DAB1: variants seen among roughly 807,000 people sequenced by gnomAD.
DAB1 encodes the protein DAB adaptor protein 1.
Under a neutral mutation model 64.6 loss-of-function variants are expected in DAB1, and 15 were observed. The ratio of observed to expected loss-of-function variants is 0.23; its 90% confidence interval spans 0.16 to 0.36. The LOEUF is 0.36. Ranked by LOEUF, DAB1 falls within the 10% of genes least tolerant of loss-of-function variation. DAB1 has a pLI of 1.00. For synonymous variants in DAB1, 235 were observed against 251.9 expected, an observed-to-expected ratio of 0.93 and a Z score of 0.64; for missense variants, 596 against 706.7, an observed-to-expected ratio of 0.84 and a Z score of 1.78.
At chr1:57,040,322 C>A (rs989272211) in intron 9 of DAB1, among the ~76,000 whole-genome samples, 1 of 152,078 alleles carries the variant, frequency 6.6e-6, no homozygotes, top group Non-Finnish European at 1.5e-5. Flanking sequence ...TGATATAGCG[C>A]TCTCTGTGCT....
At chr1:58,544,526 A>G (rs1646670866) in intron 1 of DAB1, among the ~76,000 whole-genome samples, 1 of 152,304 alleles carries the variant, frequency 6.6e-6, no homozygotes, top group African/African-American at 2.4e-5. Context: ...TGCAGTTCAA[A>G]TTTCTACGGG....
At chr1:57,828,199 C>T (rs1353356092) in intron 1 of DAB1, among the ~76,000 whole-genome samples, 1 of 152,158 alleles carries the variant, frequency 6.6e-6, no homozygotes, top group Non-Finnish European at 1.5e-5. Flanking sequence ...CCCGCCTCCG[C>T]CTTCCAAAGT....
At chr1:58,376,717 C>G (rs1378042335) in intron 3 of DAB1, among the ~76,000 whole-genome samples, 16 of 129,456 alleles carry the variant, frequency 1.2e-4, no homozygotes, top group African/African-American at 4.5e-4. Context: ...GAGCTGAGTT[C>G]AATTCCTGGG....
At chr1:57,400,312 T>A (rs1336652636) in intron 1 of DAB1, among the ~76,000 whole-genome samples, 1 of 152,148 alleles carries the variant, frequency 6.6e-6, no homozygotes. Flanking sequence ...AAAGGTTCAG[T>A]CTATGAAGTT....
intron 3 of DAB1, among the ~76,000 whole-genome samples, chr1:58,411,972 C>T (rs1644674710): frequency 6.6e-6 from 1 of 152,158 alleles, no homozygotes; most frequent in Non-Finnish European, 1.5e-5. Context: ...ACACCCATTC[C>T]ATGTGATTCA....
chr1:58,366,786 G>A (rs907335514), intron 3 of DAB1, among the ~76,000 whole-genome samples: 2 of 152,200 alleles, frequency 1.3e-5, no homozygotes, highest in Non-Finnish European at 2.9e-5. Context: ...GCAAGACGTG[G>A]AGTCACTGTA....
chr1:57,716,546 G>A (rs1055885218), intron 6 of DAB1, among the ~76,000 whole-genome samples: 1 of 152,124 alleles, frequency 6.6e-6, no homozygotes, highest in African/African-American at 2.4e-5. Context: ...GCAGAAGAAA[G>A]AAAACCTTAT....
At chr1:58,020,072 T>G (rs568654561) in intron 5 of DAB1, among the ~76,000 whole-genome samples, 1 of 152,324 alleles carries the variant, frequency 6.6e-6, no homozygotes, top group East Asian at 1.9e-4. Flanking sequence ...ACTACCAGTG[T>G]TTTAATCTTT....
At chr1:57,634,694 A>G (rs1256512358) in intron 7 of DAB1, among the ~76,000 whole-genome samples, 1 of 152,248 alleles carries the variant, frequency 6.6e-6, no homozygotes, top group African/African-American at 2.4e-5. Flanking sequence ...GGACTGTTTT[A>G]GGTGCCAGCA....
chr1:57,104,453 G>T (rs1654960093), intron 4 of DAB1, among the ~76,000 whole-genome samples: 1 of 152,214 alleles, frequency 6.6e-6, no homozygotes, highest in African/African-American at 2.4e-5. Flanking sequence ...TAATAGTAAA[G>T]TAGGTTGACA....
At chr1:57,133,720 G>T (rs1212071067) in intron 4 of DAB1, among the ~76,000 whole-genome samples, 1 of 152,126 alleles carries the variant, frequency 6.6e-6, no homozygotes, top group Non-Finnish European at 1.5e-5. Context: ...GTCACGTTCT[G>T]CAAATGTTTC....
intron 6 of DAB1, among the ~76,000 whole-genome samples, chr1:57,667,634 C>T (rs1273118873): frequency 1.3e-5 from 2 of 152,062 alleles, no homozygotes; most frequent in Non-Finnish European, 2.9e-5. Flanking sequence ...ATAGTAGCCA[C>T]TAGCTACATA....
chr1:57,369,995 C>T (rs1302684759), intron 1 of DAB1, among the ~76,000 whole-genome samples: 1 of 152,218 alleles, frequency 6.6e-6, no homozygotes, highest in Admixed American at 6.5e-5. Context: ...TTCAGTATTT[C>T]TTCTCAGCCC....
At chr1:57,550,980 C>T (rs115901666) in intron 7 of DAB1, among the ~76,000 whole-genome samples, 3,609 of 152,202 alleles carry the variant, frequency 0.024, 147 homozygotes, top group African/African-American at 0.083. Context: ...TACCATTATC[C>T]CCACTTTACA....
intron 3 of DAB1, among the ~76,000 whole-genome samples, chr1:58,444,455 C>G (rs1319658437): frequency 1.3e-5 from 2 of 152,206 alleles, no homozygotes; most frequent in Non-Finnish European, 2.9e-5. Context: ...AACTAGGTGG[C>G]CTGACTCCGG....
At chr1:57,398,212 C>T (rs144280977) in intron 1 of DAB1, among the ~76,000 whole-genome samples, 1 of 152,318 alleles carries the variant, frequency 6.6e-6, no homozygotes, top group East Asian at 1.9e-4. Flanking sequence ...GAAAGAGATA[C>T]TGTCAGTGTG....
At chr1:57,710,739 T>A (rs1193653998) in intron 6 of DAB1, among the ~76,000 whole-genome samples, 2 of 152,184 alleles carry the variant, frequency 1.3e-5, no homozygotes, top group Non-Finnish European at 2.9e-5. Flanking sequence ...ATTTACTTTA[T>A]CTAGGTTTTT....
intron 7 of DAB1, among the ~76,000 whole-genome samples, chr1:57,558,986 C>T (rs183030514): frequency 2.0e-5 from 3 of 152,236 alleles, no homozygotes; most frequent in Admixed American, 1.3e-4. Context: ...CTCCATATGT[C>T]GGGTCTAACA....
intron 1 of DAB1, among the ~76,000 whole-genome samples, chr1:57,311,818 A>C (rs1674735395): frequency 6.6e-6 from 1 of 152,206 alleles, no homozygotes; most frequent in African/African-American, 2.4e-5. Context: ...ATGTGAATGC[A>C]TCTTTCTTGT....
Sources: gnomAD v4.1 joint callset for allele counts (sites outside exome capture counted in the v4.1 genomes callset) on GRCh38, gnomAD v4.1.1 for gene constraint, MANE v1.5 for transcripts, NCBI Gene and HGNC (gene_info 2026-07-23, HGNC 2026-07-21) for gene names.